CPA6: variants seen among roughly 807,000 people sequenced by gnomAD.
CPA6 encodes the protein carboxypeptidase B.
CPA6 carries 58 observed loss-of-function variants against 63.3 expected under a neutral mutation model. The ratio of observed to expected loss-of-function variants is 0.92; its 90% CI spans 0.74 to 1.14. The LOEUF (loss-of-function observed/expected upper bound fraction) is 1.14, where lower values mean the gene tolerates loss of function less well. Ranked by LOEUF, CPA6 falls within the 50% of genes most tolerant of loss-of-function variation. The pLI, the probability that CPA6 is intolerant of heterozygous loss-of-function variation, is 0.00. For missense variants in CPA6, 565 were observed against 526.6 expected (o/e 1.07, Z -0.71); for synonymous variants, 185 against 179.0 (o/e 1.03, Z -0.27).
intron 2 of CPA6, among the ~76,000 whole-genome samples, chr8:67,523,924 C>G (rs752143117): frequency 2.6e-5 from 4 of 152,186 alleles, no homozygotes; most frequent in Non-Finnish European, 5.9e-5. Flanking sequence ...TATATTTATT[C>G]TCAGTTTTTG....
chr8:67,710,988 G>A lies in CPA6; in HGVS notation c.116+35026C>T, dbSNP rs75922456. 3.6e-3 allele frequency among the ~76,000 whole-genome samples: 541 copies of A among 152,224 alleles called. 10 individuals are homozygous for A. The East Asian group carries it at 0.071, about 20-fold the overall frequency. ...CTCTCCATAGTATATACTTTTCGTA[G>A]CCCAGACCACAGAGATTCCCATCTT... On this transcript the variant is annotated intron_variant, in intron 1 of 10. Coordinates refer to ENST00000297770, the MANE Select transcript of CPA6 (RefSeq NM_020361.5).
intron 8 of CPA6, among the ~76,000 whole-genome samples, chr8:67,460,957 C>T (rs1810786427): frequency 6.6e-6 from 1 of 151,880 alleles, no homozygotes; most frequent in African/African-American, 2.4e-5. Context: ...CTCAGTGGAA[C>T]TCTGCTTTGC....
At chr8:67,708,274 T>C (rs1362501544) in intron 1 of CPA6, among the ~76,000 whole-genome samples, 3 of 152,226 alleles carry the variant, frequency 2.0e-5, no homozygotes. Flanking sequence ...CGAAGGTTCA[T>C]AAGGCTAAAG....
At chr8:67,480,521 A>C (rs1811334923) in intron 8 of CPA6, among the ~76,000 whole-genome samples, 1 of 152,180 alleles carries the variant, frequency 6.6e-6, no homozygotes, top group Non-Finnish European at 1.5e-5. Context: ...TTATGCCCAA[A>C]TAATATTCCA....
At chr8:67,672,251 C>T (rs553227095) in intron 1 of CPA6, among the ~76,000 whole-genome samples, 3 of 152,214 alleles carry the variant, frequency 2.0e-5, no homozygotes, top group South Asian at 4.1e-4. Context: ...TCAATGTATC[C>T]AAAGGAGTCT....
chr8:67,559,851 A>AT (rs1813159522), intron 2 of CPA6, among the ~76,000 whole-genome samples: 7 of 108,034 alleles, frequency 6.5e-5, no homozygotes, highest in South Asian at 5.4e-4. Context: ...AAGTTGGACA[A>AT]AATATATATA....
In CPA6 at chr8:67,636,599, CTGTG is replaced by C. The variant is rs542894026; in HGVS notation, c.117-12352_117-12349del. On this transcript the variant is annotated intron_variant, in intron 1 of 10. Transcript: ENST00000297770. ...TTAATTTTGATGGCAGCTTAAAAAACTGTGTGTTTTCAGAAGGAAAGATTTAGGG... is the reference window on the plus strand; with the variant it reads ...TTAATTTTGATGGCAGCTTAAAAAACTGTTTTCAGAAGGAAAGATTTAGGG... 6.6e-5 allele frequency among the ~76,000 whole-genome samples: 10 copies of C among 151,574 alleles called. No individual in the cohort carries two copies. In the East Asian group the frequency reaches 1.7e-3, roughly 26 times the overall value.
At chr8:67,506,689 G>A (rs1428006452) in intron 6 of CPA6, 98 bp downstream of exon 6, 2 of 754,896 alleles carry the variant, frequency 2.6e-6, no homozygotes, top group Non-Finnish European at 4.8e-6. Context: ...ATTCAATCAG[G>A]TATCATTGGT....
intron 2 of CPA6, among the ~76,000 whole-genome samples, chr8:67,593,423 C>G (rs1814195180): frequency 6.6e-6 from 1 of 152,234 alleles, no homozygotes; most frequent in Non-Finnish European, 1.5e-5. Context: ...GACCTGAGTT[C>G]AATTCCTGGG....
chr8:67,503,881 C>A (rs1048512282), intron 6 of CPA6, among the ~76,000 whole-genome samples: 1 of 152,122 alleles, frequency 6.6e-6, no homozygotes, highest in Non-Finnish European at 1.5e-5. Context: ...TTAGGTATTT[C>A]TTTTAATGCT....
At chr8:67,566,629 C>T (rs982614077) in intron 2 of CPA6, among the ~76,000 whole-genome samples, 2 of 152,108 alleles carry the variant, frequency 1.3e-5, no homozygotes, top group South Asian at 4.1e-4. Flanking sequence ...CTTTCTCTAC[C>T]CAAAGTGGAC....
chr8:67,590,786 C>T (rs1587606780), intron 2 of CPA6, among the ~76,000 whole-genome samples: 1 of 150,058 alleles, frequency 6.7e-6, no homozygotes, highest in African/African-American at 2.4e-5. Flanking sequence ...TGGATATTAG[C>T]CCTTTGTCAG....
At position 67,624,165 on chromosome 8, in the gene CPA6, T is replaced by TCTCG; in HGVS notation, c.192+10_192+11insCGAG. 6.8e-7 allele frequency: 1 copy of TCTCG among 1,474,014 alleles called. No homozygotes were observed. The highest frequency in any genetic ancestry group is 9.5e-7 in the Non-Finnish European group (1 of 1,056,420). 91.3% of individuals were successfully genotyped at this position (1,474,014 alleles called of 1,614,324 possible). On this transcript the variant is annotated intron_variant, in intron 2 of 10. Coordinates refer to ENST00000297770, the MANE Select transcript of CPA6 (RefSeq NM_020361.5). ...CACAATTCTACCATAAGTGTGTAGATGTTCTATTACCTTAAGTTGATAGGA... is the reference window on the plus strand; with the variant it reads ...CACAATTCTACCATAAGTGTGTAGATCTCGGTTCTATTACCTTAAGTTGATAGGA...
intron 2 of CPA6, among the ~76,000 whole-genome samples, chr8:67,609,847 C>T (rs1036932601): frequency 6.6e-6 from 1 of 152,074 alleles, no homozygotes; most frequent in African/African-American, 2.4e-5. Flanking sequence ...TATGGTGAAA[C>T]CCCTTCTTTA....
rs150516417 is a variant in CPA6 at position 67,628,181 on chromosome 8, C to G, written c.117-3930G>C. Among the ~76,000 whole-genome samples, 566 of 152,050 alleles carry G rather than the reference C, an allele frequency of 3.7e-3. 3 individuals carry two copies. The highest frequency in any genetic ancestry group is 0.013 in the African/African-American group (523 of 41,468). On this transcript the variant is annotated intron_variant, in intron 1 of 10. Coordinates refer to ENST00000297770, the MANE Select transcript of CPA6 (RefSeq NM_020361.5). ...TGAGCCGAGATTGAGCCACTGCACT[C>G]CAGCCTGGGTGACAGAGCGAGACTC...
At chr8:67,499,209 C>T (rs894378372) in intron 6 of CPA6, among the ~76,000 whole-genome samples, 5 of 152,114 alleles carry the variant, frequency 3.3e-5, no homozygotes, top group African/African-American at 7.2e-5. Context: ...TGGCATGGGA[C>T]GGTAATGCTG....
intron 2 of CPA6, among the ~76,000 whole-genome samples, chr8:67,559,438 C>T (rs142695583): frequency 2.8e-4 from 42 of 152,238 alleles, no homozygotes; most frequent in African/African-American, 9.6e-4. Flanking sequence ...GACAATGACA[C>T]TAGCCTGCCA....
rs147727442 is a variant in CPA6 at position 67,587,501 on chromosome 8, G to T, written c.192+36675C>A. Among the ~76,000 whole-genome samples the T allele has an allele frequency of 1.4e-3, 206 of 152,222 alleles. 1 individual carries two copies. The highest frequency in any genetic ancestry group is 4.7e-3 in the African/African-American group (197 of 41,528). On this transcript the variant is annotated intron_variant, in intron 2 of 10. Transcript: ENST00000297770. Reference sequence around the variant, plus strand: ...AGGAATGATTGACAATTGATGTAAGGTGGCCTTTTTTTTGGACGATTGATG... The same window carrying T: ...AGGAATGATTGACAATTGATGTAAGTTGGCCTTTTTTTTGGACGATTGATG...
chr8:67,626,229 G>T (rs1307571041), intron 1 of CPA6, among the ~76,000 whole-genome samples: 1 of 152,106 alleles, frequency 6.6e-6, no homozygotes, highest in South Asian at 2.1e-4. Flanking sequence ...TAATACAGAT[G>T]GATAGCAGTT....
Sources: gnomAD v4.1 joint callset for allele counts (sites outside exome capture counted in the v4.1 genomes callset) on GRCh38, gnomAD v4.1.1 for gene constraint, MANE v1.5 for transcripts, NCBI Gene and HGNC (gene_info 2026-07-23, HGNC 2026-07-21) for gene names.